Variants in SLC5A3 observed in about 807,000 individuals in gnomAD.
The protein encoded by SLC5A3 is solute carrier family 5 member 3.
SLC5A3 carries 10 observed loss-of-function variants against 43.2 expected under a neutral mutation model. That is an observed-to-expected ratio of 0.23 (90% CI 0.14 to 0.39). The LOEUF is 0.39. Ranked by LOEUF, SLC5A3 falls within the 10% of genes least tolerant of loss-of-function variation. The pLI is 1.00. For synonymous variants in SLC5A3, 349 were observed against 322.0 expected (o/e 1.08, Z -0.90); for missense variants, 608 against 893.4 (o/e 0.68, Z 4.07).
chr21:34,075,553 GAAAA>G (rs1279497700), intron 1 of SLC5A3, among the ~76,000 whole-genome samples: 1 of 151,904 alleles, frequency 6.6e-6, no homozygotes, highest in Non-Finnish European at 1.5e-5. Flanking sequence ...GCAAAAAAAA[GAAAA>G]AAAGCCCTAG....
chr21:34,105,721 AG>A lies in SLC5A3; in HGVS notation c.*8367del. ...TTTTTTGAATTGTAAATGGATTTCC[AG>A]TTTACCTTCTGTTGTCTACAGCTTT... On this transcript the variant is annotated 3_prime_UTR_variant, in exon 2 of 2. Coordinates refer to ENST00000381151, the MANE Select transcript of SLC5A3 (RefSeq NM_006933.7). 1 of 997,910 alleles carries A rather than the reference AG, an allele frequency of 1.0e-6. No homozygotes were observed. The highest frequency in any genetic ancestry group is 4.7e-5 in the South Asian group (1 of 21,244). 61.8% of individuals were successfully genotyped at this position (997,910 alleles called of 1,614,324 possible).
rs548582888 is a variant in SLC5A3 at position 34,076,871 on chromosome 21, A to G, written c.-337+3126A>G. Among the ~76,000 whole-genome samples, 5 of 152,364 alleles carry G rather than the reference A, an allele frequency of 3.3e-5. No homozygotes were observed. In the East Asian group the frequency reaches 7.7e-4, roughly 23 times the overall value. On this transcript the variant is annotated intron_variant, in intron 1 of 1. Transcript: ENST00000381151. ...GTTACACCCATATCAGATAGCATCA[A>G]GAGAGTTTTATTCACTTCTGGAAAA...
intron 1 of SLC5A3, among the ~76,000 whole-genome samples, chr21:34,076,899 C>T (rs1989344910): frequency 2.0e-5 from 3 of 152,186 alleles, no homozygotes; most frequent in Non-Finnish European, 4.4e-5. Context: ...CTGGAAAACA[C>T]AGTATTCAAA....
In SLC5A3 at chr21:34,096,857, G is replaced by A; in HGVS notation, c.1659G>A (p.Val553=). The A allele has an allele frequency of 6.2e-7, 1 of 1,614,078 alleles. No homozygotes were observed. The highest frequency in any genetic ancestry group is 8.5e-7 in the Non-Finnish European group (1 of 1,179,988). Residue 553 remains valine (V), a synonymous_variant, in exon 2 of 2, where the codon GTG becomes GTA. Transcript: ENST00000381151. The surrounding 1 kb of genome is among the most constrained non-coding windows in gnomAD (Gnocchi z 5.9). The stretch of plus-strand genomic sequence containing the variant: ...CCTTTTGGTCTAAGAAGAACCTGGT[G>A]GTGAAGGAGAACTGCTCCCCAAAAG... ...TTTFWSKKNL[V]VKENCSPKEE... is the part of the protein sequence containing the mutation.
rs1259964297 is a variant in SLC5A3, at chr21:34,101,635, A to AT, written c.*4287dup. On this transcript the variant is annotated 3_prime_UTR_variant, in exon 2 of 2. Coordinates refer to ENST00000381151, the MANE Select transcript of SLC5A3 (RefSeq NM_006933.7). The stretch of plus-strand genomic sequence containing the variant: ...CAGCACTTAGCAAATTCAAATTTTG[A>AT]TTTTTTTGTCAGCTTAGTTCACTTT... The AT allele has an allele frequency of 9.0e-6, 9 of 999,928 alleles. No individual in the cohort carries two copies. Among genetic ancestry groups the AT allele is most frequent in the East Asian group, 1.1e-4 (1 of 8,826 alleles). The allele number at this position is 999,928 out of a possible 1,614,324, so 61.9% of individuals were successfully genotyped here.
chr21:34,105,026 G>A lies in SLC5A3; in HGVS notation c.*7671G>A. ...CTGTGAGATCTCTAACTTTTGAGTG[G>A]CAAACAGATCAAGTCTTTTGCTCAT... is the stretch of plus-strand genomic sequence containing the variant. On this transcript the variant is annotated 3_prime_UTR_variant, in exon 2 of 2. Transcript: ENST00000381151. 1 of 1,000,024 alleles carries A rather than the reference G, an allele frequency of 1.0e-6. No homozygotes were observed. Among genetic ancestry groups the A allele is most frequent in the South Asian group, 4.7e-5 (1 of 21,278 alleles). The allele number at this position is 1,000,024 out of a possible 1,614,324, so 61.9% of individuals were successfully genotyped here. A position where few individuals can be genotyped will look rare whatever the true frequency, so the allele number is the denominator to read the frequency against.
chr21:34,074,501 A>T (rs796955832), intron 1 of SLC5A3, among the ~76,000 whole-genome samples: 28 of 152,106 alleles, frequency 1.8e-4, no homozygotes, highest in Middle Eastern at 3.4e-3. Flanking sequence ...GTTTGGAGGG[A>T]TGCTAAGCGA....
In SLC5A3 at chr21:34,073,684, T is replaced by C; in HGVS notation, c.-398T>C. ...GAACCGGCTGGCTTCCGAGCCGCACTCGCCGATCCTCCAGGCATGCCCCGC... is the reference window on the plus strand; with the variant it reads ...GAACCGGCTGGCTTCCGAGCCGCACCCGCCGATCCTCCAGGCATGCCCCGC... On this transcript the variant is annotated 5_prime_UTR_variant, in exon 1 of 2. Coordinates refer to ENST00000381151, the MANE Select transcript of SLC5A3 (RefSeq NM_006933.7). 6.6e-7 allele frequency: 1 copy of C among 1,516,914 alleles called. No homozygotes were observed. The allele number at this position is 1,516,914 out of a possible 1,614,324, so 94.0% of individuals were successfully genotyped here. A position where few individuals can be genotyped will look rare whatever the true frequency, so the allele number is the denominator to read the frequency against.
At chr21:34,077,894 C>A (rs1569411770) in intron 1 of SLC5A3, among the ~76,000 whole-genome samples, 1 of 152,118 alleles carries the variant, frequency 6.6e-6, no homozygotes, top group African/African-American at 2.4e-5. Context: ...GAACACCTGG[C>A]AAAAGTTTTG....
At chr21:34,079,193 A>G (rs1004956136) in intron 1 of SLC5A3, among the ~76,000 whole-genome samples, 7 of 151,834 alleles carry the variant, frequency 4.6e-5, no homozygotes, top group African/African-American at 9.7e-5. Flanking sequence ...ATAGGTGGGG[A>G]AAAAAACAGC....
In SLC5A3 at chr21:34,098,452, G is replaced by GT. The variant is rs1979073010; in HGVS notation, c.*1102dup. 3.0e-6 allele frequency: 3 copies of GT among 999,656 alleles called. No homozygotes were observed. The allele number at this position is 999,656 out of a possible 1,614,324, so 61.9% of individuals were successfully genotyped here. A position where few individuals can be genotyped will look rare whatever the true frequency, so the allele number is the denominator to read the frequency against. On this transcript the variant is annotated 3_prime_UTR_variant, in exon 2 of 2. Coordinates refer to ENST00000381151, the MANE Select transcript of SLC5A3 (RefSeq NM_006933.7). ...TGATATCTTATTGCATCCTTGATAAGTTTTTCCCTGATTTTTTTTTTCCTC... is the reference window on the plus strand; with the variant it reads ...TGATATCTTATTGCATCCTTGATAAGTTTTTTCCCTGATTTTTTTTTTCCTC...
rs1989245890 is a variant in SLC5A3 at position 34,073,727 on chromosome 21, C to T, written c.-355C>T. The T allele has an allele frequency of 2.6e-6, 4 of 1,529,944 alleles. No homozygotes were observed. Among genetic ancestry groups the T allele is most frequent in the Non-Finnish European group, 3.5e-6 (4 of 1,133,194 alleles). The allele number at this position is 1,529,944 out of a possible 1,614,324, so 94.8% of individuals were successfully genotyped here. ...TGCCCCGCTACGAGCTGGCTTTAAT[C>T]CTGAAAGCCATGCAGCGGGTAAGTG... is the stretch of plus-strand genomic sequence containing the variant. On this transcript the variant is annotated 5_prime_UTR_variant, in exon 1 of 2. Coordinates refer to ENST00000381151, the MANE Select transcript of SLC5A3 (RefSeq NM_006933.7).
chr21:34,073,812 C>T lies in SLC5A3; in HGVS notation c.-337+67C>T, dbSNP rs1569410421. 27 of 1,234,896 alleles carry T rather than the reference C, an allele frequency of 2.2e-5. No homozygotes were observed. In the South Asian group the frequency reaches 4.0e-4, roughly 18 times the overall value. 76.5% of individuals were successfully genotyped at this position (1,234,896 alleles called of 1,614,324 possible). A position where few individuals can be genotyped will look rare whatever the true frequency, so the allele number is the denominator to read the frequency against. On this transcript the variant is annotated intron_variant, in intron 1 of 1. Transcript: ENST00000381151. ...CCCCCGCTGCCGCTAGGCCGCCGTC[C>T]CCCGCGCGCCCTGGCCGCGGGACCC... is the stretch of plus-strand genomic sequence containing the variant.
chr21:34,090,543 T>C (rs2898204), intron 1 of SLC5A3, among the ~76,000 whole-genome samples: 152,365 of 152,368 alleles, frequency 1, 76,181 homozygotes, highest in Non-Finnish European at 1. Context: ...TTATCTAATC[T>C]TTCTATATAT....
rs1332480523 is a variant in SLC5A3 at position 34,105,247 on chromosome 21, C to G, written c.*7892C>G. The G allele has an allele frequency of 1.0e-6, 1 of 1,000,110 alleles. No homozygotes were observed. Among genetic ancestry groups the G allele is most frequent in the Non-Finnish European group, 1.2e-6 (1 of 829,962 alleles). 62.0% of individuals were successfully genotyped at this position (1,000,110 alleles called of 1,614,324 possible). On this transcript the variant is annotated 3_prime_UTR_variant, in exon 2 of 2. Transcript: ENST00000381151. ...GTTCTTTGCTTGGACATCCCATTTT[C>G]TTTTGTCCAGACCCATGTTGGCAAT...
rs1222239641 is a variant in SLC5A3, at chr21:34,105,432, AT to A, written c.*8082del. On this transcript the variant is annotated 3_prime_UTR_variant, in exon 2 of 2. Transcript: ENST00000381151. ...GTGAAATTGCTTCATTCATTCATTT[AT>A]TTTTAAGCCAAATGTCAGCAGAGTG... The A allele has an allele frequency of 1.0e-6, 1 of 998,592 alleles. No individual in the cohort carries two copies. Among genetic ancestry groups the A allele is most frequent in the Non-Finnish European group, 1.2e-6 (1 of 828,610 alleles). The allele number at this position is 998,592 out of a possible 1,614,324, so 61.9% of individuals were successfully genotyped here.
At position 34,097,123 on chromosome 21, in the gene SLC5A3, AAG is replaced by A. The variant is rs752605568; in HGVS notation, c.1931_1932del (p.Arg644LysfsTer6). On this transcript the variant is annotated frameshift_variant, in exon 2 of 2. Transcript: ENST00000381151. LOFTEE classifies it high-confidence loss of function. ...GGGCAAGCAGCTCTCATGGGTGAGA[AAG>A]AGAGAAAGAAAGAAACGGATGATGG... The A allele has an allele frequency of 6.2e-7, 1 of 1,614,034 alleles. No individual in the cohort carries two copies. Among genetic ancestry groups the A allele is most frequent in the African/African-American group, 1.3e-5 (1 of 75,018 alleles).
intron 1 of SLC5A3, among the ~76,000 whole-genome samples, chr21:34,088,863 G>T (rs1245819568): frequency 6.6e-6 from 1 of 151,394 alleles, no homozygotes; most frequent in Non-Finnish European, 1.5e-5. Context: ...ACTTAGGTTA[G>T]TGTAAGATTT....
intron 1 of SLC5A3, among the ~76,000 whole-genome samples, chr21:34,076,713 T>A (rs1434160416): frequency 6.6e-6 from 1 of 152,220 alleles, no homozygotes; most frequent in East Asian, 1.9e-4. Flanking sequence ...TTCTGAAATA[T>A]GACGGTAAAG....
Sources: gnomAD v4.1 joint callset for allele counts (sites outside exome capture counted in the v4.1 genomes callset) on GRCh38, gnomAD v4.1.1 for gene constraint, Gnocchi (gnomAD v3.1) non-coding constraint, MANE v1.5 for transcripts, NCBI Gene and HGNC (gene_info 2026-07-23, HGNC 2026-07-21) for gene names.